EEA1: variants seen among roughly 807,000 people sequenced by gnomAD.
EEA1 encodes the protein early endosome antigen 1, also known as early endosome antigen 1, 162kD.
Under a neutral mutation model 209.2 loss-of-function variants are expected in EEA1, and 111 were observed. The observed-to-expected ratio is 0.53, with a 90% confidence interval of 0.45 to 0.62. The LOEUF (loss-of-function observed/expected upper bound fraction) is 0.62. Among genes scored for constraint, EEA1 ranks in the 20% least tolerant of loss-of-function variants. The pLI is 0.00. For synonymous variants in EEA1, 536 were observed against 540.6 expected, an observed-to-expected ratio of 0.99 and a Z score of 0.12; for missense variants, 1,343 against 1,530.8, an observed-to-expected ratio of 0.88 and a Z score of 2.05.
chr12:92,793,580 TGAAG>T (rs1874512790), intron 21 of EEA1, among the ~76,000 whole-genome samples: 1 of 152,166 alleles, frequency 6.6e-6, no homozygotes, highest in Non-Finnish European at 1.5e-5. Flanking sequence ...ACAAGGGATG[TGAAG>T]GACATCTTCA....
chr12:92,862,713 TA>T (rs1878205989), intron 3 of EEA1, among the ~76,000 whole-genome samples: 1 of 152,096 alleles, frequency 6.6e-6, no homozygotes, highest in Non-Finnish European at 1.5e-5. Context: ...AGGCCTAAAA[TA>T]AACTATAACA....
rs545273708 is a variant in EEA1 at position 92,799,447 on chromosome 12, G to C, written c.2773-361C>G. Among the ~76,000 whole-genome samples, 14 of 152,144 alleles carry C rather than the reference G, an allele frequency of 9.2e-5. No individual in the cohort carries two copies. In the South Asian group the frequency reaches 2.9e-3, roughly 32 times the overall value. On this transcript the variant is annotated intron_variant, in intron 20 of 28. Transcript: ENST00000322349. ...TATTCTCTTGTATTATGGAAAATAGGTATGTCAACATCAATGTCTAAATTG... is the reference window on the plus strand; with the variant it reads ...TATTCTCTTGTATTATGGAAAATAGCTATGTCAACATCAATGTCTAAATTG...
intron 13 of EEA1, among the ~76,000 whole-genome samples, chr12:92,823,994 T>A (rs958053850): frequency 1.3e-5 from 2 of 152,228 alleles, no homozygotes; most frequent in African/African-American, 4.8e-5. Flanking sequence ...TCTATCAAAC[T>A]TTTTTCTTCC....
At chr12:92,819,268 G>A in intron 14 of EEA1, 40 bp downstream of exon 14, 1 of 1,474,954 alleles carries the variant, frequency 6.8e-7, no homozygotes, top group Non-Finnish European at 9.2e-7. Flanking sequence ...TAGAGAGACA[G>A]AAGTAAATTT....
At chr12:92,877,784 T>C (rs1045720956) in intron 2 of EEA1, among the ~76,000 whole-genome samples, 17 of 152,210 alleles carry the variant, frequency 1.1e-4, no homozygotes, top group African/African-American at 3.9e-4. Context: ...ATTATAGCCA[T>C]GAGCCACCAC....
At chr12:92,802,979 T>TA (rs1465859283) in intron 18 of EEA1, among the ~76,000 whole-genome samples, 10 of 152,086 alleles carry the variant, frequency 6.6e-5, no homozygotes, top group African/African-American at 1.9e-4. Flanking sequence ...CAAAACTATC[T>TA]AAGCTTCCTG....
chr12:92,858,481 A>G, intron 3 of EEA1: 1 of 1,050,708 alleles, frequency 9.5e-7, no homozygotes, highest in Non-Finnish European at 1.5e-6. Context: ...GGTGTTGGAG[A>G]CCAGGGCTTG....
At chr12:92,869,752 C>CAAAAAAAAAAAAA (rs71069185) in intron 2 of EEA1, among the ~76,000 whole-genome samples, 2 of 26,792 alleles carry the variant, frequency 7.5e-5, no homozygotes, top group African/African-American at 2.3e-4. Flanking sequence ...GATTCTGCCT[C>CAAAAAAAAAAAAA]AAAAAAAAAA....
intron 3 of EEA1, among the ~76,000 whole-genome samples, chr12:92,861,516 T>C (rs1878151315): frequency 1.3e-5 from 2 of 152,182 alleles, no homozygotes; most frequent in Non-Finnish European, 2.9e-5. Flanking sequence ...TTCAAATTCA[T>C]CCTACAGATA....
Position 92,864,898 on chromosome 12 carries a change from G to A in EEA1, c.207C>T (p.Asp69=), listed in dbSNP as rs752178989. The A allele has an allele frequency of 6.2e-7, 1 of 1,609,776 alleles. No individual in the cohort carries two copies. Among genetic ancestry groups the A allele is most frequent in the South Asian group, 1.1e-5 (1 of 90,080 alleles). The change falls in exon 3 of 29, where the codon GAC becomes GAT. Residue 69 remains aspartate, a synonymous_variant. Coordinates refer to ENST00000322349, the MANE Select transcript of EEA1 (RefSeq NM_003566.4). ...GATTAGACTCTCCTCCATGACCTGA[G>A]TCATTACCAGCATCATGAACAGCTT... ...HYEAVHDAGN[D]SGHGGESNLA... is the part of the protein sequence containing the mutation.
intron 10 of EEA1, chr12:92,835,458 T>G (rs1049935038): frequency 5.1e-4 from 124 of 240,820 alleles, no homozygotes; most frequent in African/African-American, 3.6e-3. Context: ...GTCGCCCAGG[T>G]GGGAGTGCAG....
chr12:92,877,816 T>C (rs1001722914), intron 2 of EEA1, among the ~76,000 whole-genome samples: 1 of 152,200 alleles, frequency 6.6e-6, no homozygotes, highest in Non-Finnish European at 1.5e-5. Flanking sequence ...GAAATGAGAT[T>C]TGATAGGTAG....
chr12:92,862,333 G>A (rs1186245622), intron 3 of EEA1, among the ~76,000 whole-genome samples: 1 of 152,172 alleles, frequency 6.6e-6, no homozygotes, highest in African/African-American at 2.4e-5. Flanking sequence ...CAGTGACTCA[G>A]GCCTGCAATC....
intron 2 of EEA1, among the ~76,000 whole-genome samples, chr12:92,867,815 A>AT (rs2136726815): frequency 6.6e-6 from 1 of 152,222 alleles, no homozygotes; most frequent in East Asian, 1.9e-4. Flanking sequence ...TACATATTAT[A>AT]TATGTGTCTC....
Position 92,780,347 on chromosome 12 carries a change from C to A in EEA1, c.3401G>T (p.Cys1134Phe), listed in dbSNP as rs373405068. 1 of 1,600,764 alleles carries A rather than the reference C, an allele frequency of 6.2e-7. No homozygotes were observed. Among genetic ancestry groups the A allele is most frequent in the Non-Finnish European group, 8.5e-7 (1 of 1,173,376 alleles). Residue 1134 changes from cysteine (C) to phenylalanine (F), a missense_variant, in exon 24 of 29, where the codon TGT becomes TTT. By Grantham distance (205) the Cys-to-Phe change is radical (BLOSUM62 -2). Coordinates refer to ENST00000322349, the MANE Select transcript of EEA1 (RefSeq NM_003566.4). ...TTTAGTGATTTCTTTTTCTTGTCTA[C>A]ATTTAATTTCTTCTATCTCTGCCAA... Reference protein sequence around the residue: ...SKLAEIEEIKCRQEKEITKLN... With the variant: ...SKLAEIEEIKFRQEKEITKLN...
chr12:92,781,015 A>G (rs1476180506), intron 23 of EEA1, among the ~76,000 whole-genome samples: 1 of 152,142 alleles, frequency 6.6e-6, no homozygotes, highest in Non-Finnish European at 1.5e-5. Context: ...GGCTCAAGCT[A>G]TCCTCCCACC....
intron 18 of EEA1, among the ~76,000 whole-genome samples, chr12:92,804,885 C>T (rs1416037824): frequency 6.6e-6 from 1 of 152,106 alleles, no homozygotes; most frequent in Non-Finnish European, 1.5e-5. Flanking sequence ...GACCCCAGCC[C>T]TCCTTGCCTA....
intron 9 of EEA1, among the ~76,000 whole-genome samples, chr12:92,844,537 C>T (rs1368481904): frequency 6.6e-6 from 1 of 151,990 alleles, no homozygotes; most frequent in Admixed American, 6.6e-5. Flanking sequence ...AAGTTAAAGG[C>T]CTACCCTAAA....
chr12:92,853,863 CAAAT>C, intron 6 of EEA1, 48 bp downstream of exon 6: 2 of 1,531,634 alleles, frequency 1.3e-6, no homozygotes, highest in Middle Eastern at 1.7e-4. Flanking sequence ...GAAAGGAAAA[CAAAT>C]AAGAAGAAAA....
Sources: gnomAD v4.1 joint callset for allele counts (sites outside exome capture counted in the v4.1 genomes callset) on GRCh38, gnomAD v4.1.1 for gene constraint, MANE v1.5 for transcripts, NCBI Gene and HGNC (gene_info 2026-07-23, HGNC 2026-07-21) for gene names.